IDE: variants seen among roughly 807,000 people sequenced by gnomAD.
IDE encodes the protein insulin degrading enzyme.
In IDE, 58 loss-of-function variants were observed where a neutral mutation model predicts 133.2. The ratio of observed to expected loss-of-function variants is 0.44; its 90% CI spans 0.35 to 0.54. The LOEUF (loss-of-function observed/expected upper bound fraction) is 0.54, where lower values mean the gene tolerates loss of function less well. Ranked by LOEUF, IDE falls within the 20% of genes least tolerant of loss-of-function variation. IDE has a pLI of 0.00. For missense variants in IDE, 981 were observed against 1,234.0 expected, an observed-to-expected ratio of 0.79 and a Z score of 3.07; for synonymous variants, 396 against 421.3, an observed-to-expected ratio of 0.94 and a Z score of 0.73.
intron 18 of IDE, 76 bp from the exon 19 acceptor site, chr10:92,469,066 T>A (rs1845834083): frequency 1.2e-6 from 1 of 840,272 alleles, no homozygotes; most frequent in South Asian, 1.5e-5. Flanking sequence ...TGGCTTTGTT[T>A]ATCATAAAAG....
intron 4 of IDE, among the ~76,000 whole-genome samples, chr10:92,515,808 C>T (rs1184806862): frequency 6.8e-6 from 1 of 146,960 alleles, no homozygotes; most frequent in Admixed American, 6.9e-5. Flanking sequence ...GATCTGCCTG[C>T]CTCGGCCTCC....
intron 1 of IDE, among the ~76,000 whole-genome samples, chr10:92,559,832 G>A (rs185704069): frequency 2.9e-4 from 44 of 150,232 alleles, no homozygotes; most frequent in African/African-American, 8.4e-4. Context: ...TGACTTCCCC[G>A]GCTCAAGCAA....
intron 12 of IDE, among the ~76,000 whole-genome samples, chr10:92,489,626 C>T (rs778479215): frequency 1.3e-5 from 2 of 152,160 alleles, no homozygotes; most frequent in African/African-American, 4.8e-5. Flanking sequence ...TCAGACCCAG[C>T]ACTAATTCAT....
In IDE at chr10:92,505,006, C is replaced by T. The variant is rs1026185954; in HGVS notation, c.1327-109G>A. On this transcript the variant is annotated intron_variant, in intron 10 of 24. Transcript: ENST00000265986. Reference sequence around the variant, plus strand: ...CATTACTGTACACCCTTTCTCTCTTCAGTTAAATTTTACTCCATTGGAAAA... The same window carrying T: ...CATTACTGTACACCCTTTCTCTCTTTAGTTAAATTTTACTCCATTGGAAAA... 10 of 567,712 alleles carry T rather than the reference C, an allele frequency of 1.8e-5. 1 individual carries two copies. In the Admixed American group the frequency reaches 3.7e-4, roughly 21 times the overall value. The allele number at this position is 567,712 out of a possible 1,614,324, so 35.2% of individuals were successfully genotyped here. A position where few individuals can be genotyped will look rare whatever the true frequency, so the allele number is the denominator to read the frequency against.
chr10:92,556,179 C>CAAAAAAAAAAAAAAAAAAAAAAA (rs60008680), intron 1 of IDE, among the ~76,000 whole-genome samples: 1 of 69,210 alleles, frequency 1.4e-5, no homozygotes, highest in Non-Finnish European at 2.5e-5. Flanking sequence ...GACTCCGTCT[C>CAAAAAAAAAAAAAAAAAAAAAAA]AAAAAAAAAA....
intron 11 of IDE, among the ~76,000 whole-genome samples, chr10:92,494,855 G>A (rs1167821568): frequency 6.6e-6 from 1 of 152,036 alleles, no homozygotes. Flanking sequence ...CACAGAATAG[G>A]GAAAAGATGT....
At chr10:92,557,701 C>T (rs577209947) in intron 1 of IDE, among the ~76,000 whole-genome samples, 3 of 151,628 alleles carry the variant, frequency 2.0e-5, no homozygotes, top group Non-Finnish European at 4.4e-5. Flanking sequence ...ACTAGCCTGG[C>T]GAAGATGGTG....
chr10:92,540,571 C>G (rs755264962), intron 1 of IDE, among the ~76,000 whole-genome samples: 2 of 152,126 alleles, frequency 1.3e-5, no homozygotes, highest in African/African-American at 2.4e-5. Flanking sequence ...GGTTGGTCTT[C>G]TGGTGATAGT....
chr10:92,541,227 C>A, intron 1 of IDE: 1 of 377,278 alleles, frequency 2.7e-6, no homozygotes, highest in South Asian at 2.1e-5. Flanking sequence ...CCTGGCAATC[C>A]TATTCAATAC....
chr10:92,543,787 T>C (rs771983316), intron 1 of IDE, among the ~76,000 whole-genome samples: 3 of 152,248 alleles, frequency 2.0e-5, no homozygotes, highest in Non-Finnish European at 2.9e-5. Flanking sequence ...GAACACTTTA[T>C]AGAAACGTTA....
In IDE at chr10:92,539,169, G is replaced by T. The variant is rs542389411; in HGVS notation, c.99-1619C>A. On this transcript the variant is annotated intron_variant, in intron 1 of 24. Coordinates refer to ENST00000265986, the MANE Select transcript of IDE (RefSeq NM_004969.4). ...AAAGGGGTTTGTTGCTACTAAGACT[G>T]TCCCCTAGATCCCCTAGATCTTTTT... Among the ~76,000 whole-genome samples, 3 of 151,330 alleles carry T rather than the reference G, an allele frequency of 2.0e-5. No homozygotes were observed. The East Asian group carries it at 5.8e-4, about 29-fold the overall frequency.
Position 92,573,134 on chromosome 10 carries a change from A to G in IDE, c.98+788T>C, listed in dbSNP as rs138428648. On this transcript the variant is annotated intron_variant, in intron 1 of 24. Coordinates refer to ENST00000265986, the MANE Select transcript of IDE (RefSeq NM_004969.4). Reference sequence around the variant, plus strand: ...CTTCCATTCGTAGTAAAAAGTATTCAGCGTTCACTACAAGCCTGAAAACGC... The same window carrying G: ...CTTCCATTCGTAGTAAAAAGTATTCGGCGTTCACTACAAGCCTGAAAACGC... 5.9e-5 allele frequency: 58 copies of G among 985,478 alleles called. No homozygotes were observed. The East Asian group carries it at 6.1e-3, about 104-fold the overall frequency. 61.0% of individuals were successfully genotyped at this position (985,478 alleles called of 1,614,324 possible).
intron 1 of IDE, among the ~76,000 whole-genome samples, chr10:92,543,558 T>C (rs568306491): frequency 1.2e-4 from 19 of 152,352 alleles, no homozygotes; most frequent in African/African-American, 3.4e-4. Flanking sequence ...GTTTTGCCTT[T>C]GTGCCAGGCA....
At chr10:92,480,086 A>C (rs568533990) in intron 14 of IDE, among the ~76,000 whole-genome samples, 1 of 152,380 alleles carries the variant, frequency 6.6e-6, no homozygotes, top group East Asian at 1.9e-4. Context: ...AGAATTATAG[A>C]GTACAAGAAC....
chr10:92,567,434 C>A (rs1843607703), intron 1 of IDE, among the ~76,000 whole-genome samples: 1 of 152,192 alleles, frequency 6.6e-6, no homozygotes, highest in Non-Finnish European at 1.5e-5. Context: ...CTTCTGCAGA[C>A]ACTCTTCTTT....
chr10:92,496,924 G>C (rs910599638), intron 11 of IDE, among the ~76,000 whole-genome samples: 1 of 152,152 alleles, frequency 6.6e-6, no homozygotes, highest in Admixed American at 6.5e-5. Flanking sequence ...CACGAGATGA[G>C]GCAGAAAACT....
intron 13 of IDE, among the ~76,000 whole-genome samples, chr10:92,486,363 G>T (rs1846996331): frequency 6.6e-6 from 1 of 151,878 alleles, no homozygotes; most frequent in Non-Finnish European, 1.5e-5. Context: ...AAAAAGAAAA[G>T]AAAATAAAGA....
intron 15 of IDE, among the ~76,000 whole-genome samples, chr10:92,478,074 G>T (rs1231081763): frequency 6.6e-6 from 1 of 152,130 alleles, no homozygotes; most frequent in Non-Finnish European, 1.5e-5. Flanking sequence ...TGCCATAAAA[G>T]GGATGTTAAC....
intron 4 of IDE, among the ~76,000 whole-genome samples, chr10:92,529,480 G>T (rs1300932400): frequency 5.9e-5 from 9 of 152,108 alleles, no homozygotes; most frequent in Non-Finnish European, 1.3e-4. Context: ...AGCTTTTCAG[G>T]CTATAAAAAG....
Sources: gnomAD v4.1 joint callset for allele counts (sites outside exome capture counted in the v4.1 genomes callset) on GRCh38, gnomAD v4.1.1 for gene constraint, MANE v1.5 for transcripts, NCBI Gene and HGNC (gene_info 2026-07-23, HGNC 2026-07-21) for gene names.